The following NAV2 variants were observed in gnomAD, a reference collection of about 807,000 sequenced individuals.
The protein encoded by NAV2 is neuron navigator 2, also known as helicase, APC down-regulated 1.
NAV2 carries 54 observed loss-of-function variants against 223.2 expected under a neutral mutation model. The ratio of observed to expected loss-of-function variants is 0.24; its 90% CI spans 0.19 to 0.30. The LOEUF is 0.30. Ranked by LOEUF, NAV2 falls within the 10% of genes least tolerant of loss-of-function variation. The probability of loss-of-function intolerance (pLI) is 1.00; values close to 1 mark genes in which losing one functional copy is unlikely to be tolerated. For missense variants in NAV2, 2,806 were observed against 3,147.5 expected (o/e 0.89, Z 2.60); for synonymous variants, 1,279 against 1,239.3 (o/e 1.03, Z -0.67).
intron 1 of NAV2, among the ~76,000 whole-genome samples, chr11:19,517,157 G>A (rs568670126): frequency 3.3e-5 from 5 of 152,240 alleles, no homozygotes; most frequent in Non-Finnish European, 5.9e-5. Flanking sequence ...CCTGGCCTGC[G>A]CAGTCCACTT....
chr11:20,039,782 A>G (rs1296670677), intron 12 of NAV2, among the ~76,000 whole-genome samples: 1 of 152,242 alleles, frequency 6.6e-6, no homozygotes, highest in Non-Finnish European at 1.5e-5. Flanking sequence ...ATGTTTAATA[A>G]CATATGCGGA....
At chr11:19,688,829 G>T (rs75036100) in intron 1 of NAV2, among the ~76,000 whole-genome samples, 6 of 152,112 alleles carry the variant, frequency 3.9e-5, no homozygotes, top group African/African-American at 4.8e-5. Context: ...ATGGTATGCC[G>T]CAGTTAGCCT....
intron 1 of NAV2, among the ~76,000 whole-genome samples, chr11:19,583,701 A>G (rs1465759089): frequency 6.6e-6 from 1 of 152,176 alleles, no homozygotes; most frequent in Non-Finnish European, 1.5e-5. Flanking sequence ...CGTATGTGGA[A>G]CCAGCCTTGC....
At chr11:20,115,525 G>C (rs572255296) in intron 37 of NAV2, among the ~76,000 whole-genome samples, 3 of 150,794 alleles carry the variant, frequency 2.0e-5, no homozygotes, top group African/African-American at 7.3e-5. Flanking sequence ...CCAGCTACTC[G>C]GGAGGCTGAG....
chr11:19,971,132 T>C (rs149744845), intron 10 of NAV2, among the ~76,000 whole-genome samples: 156 of 152,244 alleles, frequency 1.0e-3, no homozygotes, highest in African/African-American at 3.6e-3. Context: ...TGAGAGCACA[T>C]CATCTGGTTT....
rs975728058 is a variant in NAV2, at chr11:19,721,917, C to A, written c.267+7955C>A. On this transcript the variant is annotated intron_variant, in intron 1 of 37. Coordinates refer to ENST00000349880, the MANE Select transcript of NAV2 (RefSeq NM_145117.5). Reference sequence around the variant, plus strand: ...ATCTGCAGAAAGAAGAAAGAAAATGCAAAATGTTAACAACTGGTGAATCTA... The same window carrying A: ...ATCTGCAGAAAGAAGAAAGAAAATGAAAAATGTTAACAACTGGTGAATCTA... 2.9e-4 allele frequency among the ~76,000 whole-genome samples: 44 copies of A among 152,276 alleles called. 2 individuals are homozygous for A. Among genetic ancestry groups the A allele is most frequent in the Admixed American group, 2.9e-3 (44 of 15,296 alleles).
chr11:20,071,270 T>A (rs2059391365), intron 22 of NAV2, among the ~76,000 whole-genome samples: 1 of 152,170 alleles, frequency 6.6e-6, no homozygotes, highest in Non-Finnish European at 1.5e-5. Context: ...GCTTCATCCA[T>A]GTCCCTGAAA....
At chr11:20,027,158 A>G (rs1391861478) in intron 11 of NAV2, 5 of 623,008 alleles carry the variant, frequency 8.0e-6, no homozygotes, top group Non-Finnish European at 1.0e-5. Flanking sequence ...TGCTCCCGAG[A>G]AAACCTCCTG....
intron 1 of NAV2, among the ~76,000 whole-genome samples, chr11:19,629,998 C>T (rs578108341): frequency 6.6e-5 from 10 of 152,080 alleles, no homozygotes; most frequent in Admixed American, 6.5e-4. Flanking sequence ...ATGAGGCAGC[C>T]CCTGGGGCCG....
At chr11:19,389,844 C>A (rs1479705083) in intron 1 of NAV2, among the ~76,000 whole-genome samples, 2 of 152,200 alleles carry the variant, frequency 1.3e-5, no homozygotes, top group African/African-American at 4.8e-5. Context: ...TTGCTAAGCT[C>A]TTCATGGTGA....
chr11:19,403,182 T>G (rs1253187812), intron 1 of NAV2, among the ~76,000 whole-genome samples: 1 of 152,206 alleles, frequency 6.6e-6, no homozygotes, highest in Non-Finnish European at 1.5e-5. Flanking sequence ...AGATGTCAAA[T>G]ATAATAATCA....
chr11:19,985,950 A>AG (rs1156501310), intron 11 of NAV2, among the ~76,000 whole-genome samples: 1 of 151,920 alleles, frequency 6.6e-6, no homozygotes, highest in African/African-American at 2.4e-5. Context: ...AACAGTAAAA[A>AG]AAAATCAGTT....
At chr11:19,477,637 A>T (rs1235375938) in intron 1 of NAV2, among the ~76,000 whole-genome samples, 3 of 152,246 alleles carry the variant, frequency 2.0e-5, no homozygotes, top group Non-Finnish European at 4.4e-5. Flanking sequence ...TCCCCAGCAT[A>T]GAGCCTGACA....
chr11:19,554,545 G>A (rs774155716), intron 1 of NAV2, among the ~76,000 whole-genome samples: 31 of 152,144 alleles, frequency 2.0e-4, no homozygotes, highest in Admixed American at 9.8e-4. Flanking sequence ...CTGCTGGTCT[G>A]GCTTTGTGTT....
intron 1 of NAV2, among the ~76,000 whole-genome samples, chr11:19,587,869 GC>G (rs1489145555): frequency 6.6e-6 from 1 of 152,194 alleles, no homozygotes; most frequent in Non-Finnish European, 1.5e-5. Context: ...AACATTTCTA[GC>G]CAGTGGATAG....
intron 1 of NAV2, among the ~76,000 whole-genome samples, chr11:19,698,529 C>A (rs1277844436): frequency 6.6e-6 from 1 of 152,220 alleles, no homozygotes; most frequent in Non-Finnish European, 1.5e-5. Flanking sequence ...GCAGGAGCTA[C>A]CTGTGAGAGG....
chr11:19,730,451 G>A (rs1300601178), intron 1 of NAV2, among the ~76,000 whole-genome samples: 3 of 152,222 alleles, frequency 2.0e-5, no homozygotes, highest in Admixed American at 2.0e-4. Flanking sequence ...AGGCTCCAGG[G>A]CAGGATGACA....
At chr11:19,757,482 C>T (rs1042901822) in intron 1 of NAV2, among the ~76,000 whole-genome samples, 1 of 152,162 alleles carries the variant, frequency 6.6e-6, no homozygotes, top group African/African-American at 2.4e-5. Context: ...GGCTTTTGCT[C>T]CTCTGCCTCG....
At chr11:19,616,304 CTGTGTGTGTG>C (rs113035353) in intron 1 of NAV2, among the ~76,000 whole-genome samples, 8 of 140,628 alleles carry the variant, frequency 5.7e-5, no homozygotes, top group Admixed American at 1.4e-4. Context: ...TTGCTTCTGA[CTGTGTGTGTG>C]TGTGTGTGTG....
Sources: allele counts gnomAD v4.1 joint callset (sites outside exome capture counted in the v4.1 genomes callset), GRCh38; gene constraint gnomAD v4.1.1; transcripts MANE v1.5; gene names NCBI Gene and HGNC (gene_info 2026-07-23, HGNC 2026-07-21).